PIP5K1B: variants seen among roughly 807,000 people sequenced by gnomAD.
The protein encoded by PIP5K1B is phosphatidylinositol 4-phosphate 5-kinase type-1 beta.
In PIP5K1B, 42 loss-of-function variants were observed where a neutral mutation model predicts 67.0. The observed-to-expected ratio is 0.63, with a 90% CI of 0.49 to 0.81. The LOEUF (loss-of-function observed/expected upper bound fraction) is 0.81, where lower values mean the gene tolerates loss of function less well. PIP5K1B is among the 30% of genes least tolerant of loss of function. The probability of loss-of-function intolerance (pLI) is 0.00; values close to 1 mark genes in which losing one functional copy is unlikely to be tolerated. For synonymous variants in PIP5K1B, 214 were observed against 231.4 expected (o/e 0.92, Z 0.68); for missense variants, 459 against 646.3 (o/e 0.71, Z 3.14).
chr9:68,985,338 G>A (rs1301258224), intron 14 of PIP5K1B, among the ~76,000 whole-genome samples: 1 of 150,512 alleles, frequency 6.6e-6, no homozygotes, highest in South Asian at 2.1e-4. Flanking sequence ...TGCCACCTCC[G>A]TCTTCCGGAT....
chr9:68,918,426 T>C (rs1039722564), intron 9 of PIP5K1B, among the ~76,000 whole-genome samples: 8 of 152,154 alleles, frequency 5.3e-5, no homozygotes, highest in African/African-American at 1.9e-4. Context: ...ACAATAAGAA[T>C]GATGTTCGCA....
chr9:68,861,728 G>A (rs1472304021), intron 4 of PIP5K1B, among the ~76,000 whole-genome samples: 2 of 152,212 alleles, frequency 1.3e-5, no homozygotes, highest in African/African-American at 4.8e-5. Context: ...GTGACGCATG[G>A]GAGAAGAGAT....
chr9:68,796,668 T>C (rs760108247), intron 2 of PIP5K1B, among the ~76,000 whole-genome samples: 3 of 152,224 alleles, frequency 2.0e-5, no homozygotes, highest in Non-Finnish European at 4.4e-5. Context: ...CCGTAATTCA[T>C]GGCTAGTGAG....
At chr9:68,936,197 G>T (rs1827259863) in intron 13 of PIP5K1B, among the ~76,000 whole-genome samples, 1 of 151,674 alleles carries the variant, frequency 6.6e-6, no homozygotes, top group Admixed American at 6.6e-5. Flanking sequence ...TTCTTAACTT[G>T]CTGGTTAGGA....
chr9:68,914,419 C>T (rs1408177932), intron 8 of PIP5K1B, among the ~76,000 whole-genome samples: 1 of 152,070 alleles, frequency 6.6e-6, no homozygotes, highest in Non-Finnish European at 1.5e-5. Context: ...GTGTTTTTGC[C>T]AATTGAAAAT....
chr9:68,972,322 C>G (rs1484155930), intron 14 of PIP5K1B, among the ~76,000 whole-genome samples: 1 of 152,130 alleles, frequency 6.6e-6, no homozygotes, highest in Admixed American at 6.6e-5. Context: ...TTTCTGAGGC[C>G]TCTGTTCTGT....
intron 5 of PIP5K1B, among the ~76,000 whole-genome samples, chr9:68,873,044 T>C (rs1247250268): frequency 1.3e-5 from 2 of 152,176 alleles, no homozygotes; most frequent in Non-Finnish European, 2.9e-5. Flanking sequence ...TGTGAAAATG[T>C]CCTTCATGGG....
chr9:69,006,709 A>G (rs1831100506), intron 15 of PIP5K1B, among the ~76,000 whole-genome samples: 1 of 152,128 alleles, frequency 6.6e-6, no homozygotes, highest in Admixed American at 6.5e-5. Flanking sequence ...CAGGTTACTC[A>G]CTGTCCCTCT....
At chr9:68,976,730 C>G (rs1476522360) in intron 14 of PIP5K1B, among the ~76,000 whole-genome samples, 6 of 152,212 alleles carry the variant, frequency 3.9e-5, no homozygotes, top group Non-Finnish European at 5.9e-5. Context: ...AAACCTAGAT[C>G]CCTCTCATGA....
intron 2 of PIP5K1B, among the ~76,000 whole-genome samples, chr9:68,798,611 C>A (rs1009967631): frequency 6.6e-6 from 1 of 151,926 alleles, no homozygotes; most frequent in Non-Finnish European, 1.5e-5. Context: ...GGCTGGTGAG[C>A]AAGAGGAAGC....
At chr9:68,856,995 G>T (rs1393195541) in intron 4 of PIP5K1B, among the ~76,000 whole-genome samples, 1 of 152,204 alleles carries the variant, frequency 6.6e-6, no homozygotes, top group African/African-American at 2.4e-5. Context: ...TCCATATAAA[G>T]CGAAGTGAGA....
intron 2 of PIP5K1B, among the ~76,000 whole-genome samples, chr9:68,755,243 T>G (rs1395938138): frequency 6.6e-6 from 1 of 152,252 alleles, no homozygotes; most frequent in Non-Finnish European, 1.5e-5. Flanking sequence ...TTGCTGACTT[T>G]GGAGACTGCT....
At chr9:68,971,932 A>G (rs938154790) in intron 14 of PIP5K1B, among the ~76,000 whole-genome samples, 23 of 152,172 alleles carry the variant, frequency 1.5e-4, no homozygotes, top group African/African-American at 5.5e-4. Flanking sequence ...TCCATTCTGT[A>G]GGTTGCCTGT....
intron 11 of PIP5K1B, among the ~76,000 whole-genome samples, chr9:68,922,460 C>CA (rs141136674): frequency 7.8e-6 from 1 of 128,256 alleles, no homozygotes; most frequent in African/African-American, 2.9e-5. Context: ...GACTCTGTCT[C>CA]AAAAAAAAAG....
chr9:68,869,278 C>T (rs1055058726), intron 5 of PIP5K1B, among the ~76,000 whole-genome samples: 1 of 152,224 alleles, frequency 6.6e-6, no homozygotes, highest in Non-Finnish European at 1.5e-5. Context: ...GCATTAGATT[C>T]TCATAGGAGC....
At chr9:68,723,849 T>C (rs1828021557) in intron 1 of PIP5K1B, among the ~76,000 whole-genome samples, 1 of 152,124 alleles carries the variant, frequency 6.6e-6, no homozygotes, top group Non-Finnish European at 1.5e-5. Context: ...TTTCCTTTGC[T>C]GTGCAGAAGC....
At chr9:68,860,198 C>T (rs1182866298) in intron 4 of PIP5K1B, among the ~76,000 whole-genome samples, 1 of 152,124 alleles carries the variant, frequency 6.6e-6, no homozygotes, top group African/African-American at 2.4e-5. Flanking sequence ...CCCCAAGCCC[C>T]CAGCCCCCAA....
At chr9:68,830,543 T>G (rs1834256665) in intron 4 of PIP5K1B, among the ~76,000 whole-genome samples, 1 of 152,224 alleles carries the variant, frequency 6.6e-6, no homozygotes, top group African/African-American at 2.4e-5. Flanking sequence ...TTACCCAGGT[T>G]TGTTGTACTT....
intron 1 of PIP5K1B, among the ~76,000 whole-genome samples, chr9:68,717,861 T>C (rs1827707182): frequency 6.6e-6 from 1 of 152,202 alleles, no homozygotes; most frequent in South Asian, 2.1e-4. Flanking sequence ...CATGAAACAG[T>C]ACTTAGCCAT....
Sources: allele counts gnomAD v4.1 joint callset (sites outside exome capture counted in the v4.1 genomes callset), GRCh38; gene constraint gnomAD v4.1.1; transcripts MANE v1.5; gene names NCBI Gene and HGNC (gene_info 2026-07-23, HGNC 2026-07-21).